EPHB2: variants seen among roughly 807,000 people sequenced by gnomAD.
EPHB2 encodes the protein EPH receptor B2.
EPHB2 carries 18 observed loss-of-function variants against 96.4 expected under a neutral mutation model. The ratio of observed to expected loss-of-function variants is 0.19; its 90% confidence interval spans 0.13 to 0.28. The LOEUF (loss-of-function observed/expected upper bound fraction) is 0.28. Among genes scored for constraint, EPHB2 ranks in the 10% least tolerant of loss-of-function variants. EPHB2 has a pLI of 1.00. For missense variants in EPHB2, 989 were observed against 1,355.4 expected (o/e 0.73, Z 4.25); for synonymous variants, 506 against 534.1 (o/e 0.95, Z 0.72).
intron 1 of EPHB2, among the ~76,000 whole-genome samples, chr1:22,739,771 C>T (rs975289664): frequency 1.6e-4 from 25 of 152,184 alleles, no homozygotes; most frequent in African/African-American, 6.0e-4. Context: ...GCCTGCGCAG[C>T]AGCCCAGAAG....
chr1:22,881,773 A>G (rs1639053575), intron 5 of EPHB2, among the ~76,000 whole-genome samples: 1 of 152,034 alleles, frequency 6.6e-6, no homozygotes, highest in Admixed American at 6.5e-5. Context: ...TTGTATTTTT[A>G]GTAGACACGG....
intron 1 of EPHB2, among the ~76,000 whole-genome samples, chr1:22,750,863 C>A (rs776600997): frequency 4.6e-4 from 70 of 152,268 alleles, no homozygotes; most frequent in Admixed American, 9.2e-4. Context: ...GGTTGAGTAA[C>A]CTGCCTGGGT....
intron 1 of EPHB2, among the ~76,000 whole-genome samples, chr1:22,739,444 G>A (rs558506254): frequency 6.6e-6 from 1 of 152,266 alleles, no homozygotes; most frequent in African/African-American, 2.4e-5. Context: ...TCAAATTCCT[G>A]ACCTCAAGTG....
At chr1:22,891,520 A>G (rs560617368) in intron 6 of EPHB2, among the ~76,000 whole-genome samples, 1 of 152,374 alleles carries the variant, frequency 6.6e-6, no homozygotes, top group East Asian at 1.9e-4. Flanking sequence ...GTCCCAGCCT[A>G]GTGCAAAGAG....
chr1:22,868,181 T>C (rs1638542901), intron 5 of EPHB2, among the ~76,000 whole-genome samples: 1 of 152,124 alleles, frequency 6.6e-6, no homozygotes, highest in Admixed American at 6.5e-5. Flanking sequence ...GACCCTGCTG[T>C]CTGGAGCTGG....
chr1:22,792,209 G>T (rs948747315), intron 3 of EPHB2, among the ~76,000 whole-genome samples: 1 of 151,912 alleles, frequency 6.6e-6, no homozygotes, highest in Admixed American at 6.6e-5. Flanking sequence ...GGTGGGGTGC[G>T]GTCAATGGGG....
At chr1:22,912,380 T>C in intron 14 of EPHB2, 64 bp from the exon 15 acceptor site, 2 of 1,606,886 alleles carry the variant, frequency 1.2e-6, no homozygotes, top group Non-Finnish European at 1.7e-6. Flanking sequence ...CCTACAGGCA[T>C]GTCCCTGCAC....
chr1:22,817,535 G>A (rs1026849673), intron 3 of EPHB2, among the ~76,000 whole-genome samples: 1 of 152,204 alleles, frequency 6.6e-6, no homozygotes, highest in African/African-American at 2.4e-5. Context: ...TGGCAAATCA[G>A]GGGCCTTGTC....
intron 5 of EPHB2, among the ~76,000 whole-genome samples, chr1:22,879,985 A>G (rs907909178): frequency 4.4e-4 from 67 of 151,646 alleles, no homozygotes; most frequent in Admixed American, 4.1e-3. Flanking sequence ...ACAATTTTCC[A>G]TAGCTCCTTG....
At position 22,918,625 on chromosome 1, in the gene EPHB2, T is replaced by C. The variant is rs1640326908; in HGVS notation, c.*5055T>C. ...ATGCGAATACACCACCGGGTGGCCT[T>C]GACCCAGCCTTCTGCAAAATGGCTT... On this transcript the variant is annotated 3_prime_UTR_variant, in exon 16 of 16. Coordinates refer to ENST00000374630, the MANE Select transcript of EPHB2 (RefSeq NM_017449.5). The surrounding 1 kb of genome is among the most constrained non-coding windows in gnomAD (Gnocchi z 4.2). The C allele has an allele frequency of 6.6e-6, 1 of 152,220 alleles. No individual in the cohort carries two copies. The highest frequency in any genetic ancestry group is 1.5e-5 in the Non-Finnish European group (1 of 68,042). The allele number at this position is 152,220 out of a possible 1,614,324, so 9.4% of individuals were successfully genotyped here.
intron 1 of EPHB2, among the ~76,000 whole-genome samples, chr1:22,781,086 C>T (rs1288942957): frequency 4.0e-5 from 6 of 151,582 alleles, no homozygotes; most frequent in Non-Finnish European, 7.4e-5. Context: ...TTTGGGAGGG[C>T]GAGGCGGGCG....
chr1:22,910,655 C>A, intron 14 of EPHB2, 80 bp downstream of exon 14: 1 of 1,526,934 alleles, frequency 6.5e-7, no homozygotes, highest in Non-Finnish European at 8.9e-7. Flanking sequence ...CCACTTCAGG[C>A]AAATGCTCTT....
At position 22,854,766 on chromosome 1, in the gene EPHB2, C is replaced by T. The variant is rs572045238; in HGVS notation, c.812-8271C>T. Among the ~76,000 whole-genome samples, 9 of 152,288 alleles carry T rather than the reference C, an allele frequency of 5.9e-5. 1 individual carries two copies. The highest frequency in any genetic ancestry group is 2.2e-4 in the African/African-American group (9 of 41,560). ...CCTCTCCATCTCAGGAGGTAGCTGC[C>T]TACTTTCAGTGCAGCTTTGCCCACA... On this transcript the variant is annotated intron_variant, in intron 3 of 15. Transcript: ENST00000374630.
intron 1 of EPHB2, among the ~76,000 whole-genome samples, chr1:22,763,358 C>T (rs1255846302): frequency 6.6e-6 from 1 of 152,140 alleles, no homozygotes; most frequent in Non-Finnish European, 1.5e-5. Context: ...AGCACCAGCC[C>T]ACCCCCACCT....
intron 11 of EPHB2, 104 bp downstream of exon 11, chr1:22,907,061 T>G: frequency 6.9e-7 from 1 of 1,441,424 alleles, no homozygotes; most frequent in East Asian, 2.4e-5. Flanking sequence ...GGAAAAGCTC[T>G]AGGTCAGGAA....
chr1:22,714,857 T>A (rs1276145545), intron 1 of EPHB2, among the ~76,000 whole-genome samples: 1 of 152,126 alleles, frequency 6.6e-6, no homozygotes, highest in Non-Finnish European at 1.5e-5. Context: ...AAATTCCACC[T>A]CCCCAGAGGC....
At chr1:22,763,839 C>T (rs1006365152) in intron 1 of EPHB2, among the ~76,000 whole-genome samples, 2 of 152,108 alleles carry the variant, frequency 1.3e-5, no homozygotes, top group African/African-American at 2.4e-5. Context: ...GGAGGAGGAT[C>T]CATGTCCTTG....
At chr1:22,872,795 C>G (rs1168119072) in intron 5 of EPHB2, among the ~76,000 whole-genome samples, 2 of 152,240 alleles carry the variant, frequency 1.3e-5, no homozygotes, top group African/African-American at 4.8e-5. Flanking sequence ...CACAATGGCT[C>G]AGCCTCTGGA....
At chr1:22,824,641 G>A (rs1475184743) in intron 3 of EPHB2, among the ~76,000 whole-genome samples, 1 of 152,238 alleles carries the variant, frequency 6.6e-6, no homozygotes, top group Non-Finnish European at 1.5e-5. Context: ...ATGAAGCCCC[G>A]GAGAAGGGCT....
Sources: gnomAD v4.1 joint callset for allele counts (sites outside exome capture counted in the v4.1 genomes callset) on GRCh38, gnomAD v4.1.1 for gene constraint, Gnocchi (gnomAD v3.1) non-coding constraint, MANE v1.5 for transcripts, NCBI Gene and HGNC (gene_info 2026-07-23, HGNC 2026-07-21) for gene names.